KCNH8: variants seen among roughly 807,000 people sequenced by gnomAD.
KCNH8 encodes the protein voltage-gated delayed rectifier potassium channel KCNH8.
KCNH8 carries 70 observed loss-of-function variants against 103.6 expected under a neutral mutation model. The observed-to-expected ratio is 0.68, with a 90% CI of 0.56 to 0.82. The LOEUF (loss-of-function observed/expected upper bound fraction) is 0.82, where lower values mean the gene tolerates loss of function less well. Ranked by LOEUF, KCNH8 falls within the 40% of genes least tolerant of loss-of-function variation. The pLI is 0.00. For missense variants in KCNH8, 1,217 were observed against 1,329.9 expected (o/e 0.92, Z 1.32); for synonymous variants, 498 against 489.4 (o/e 1.02, Z -0.23).
At chr3:19,221,844 CTT>C (rs563088589) in intron 1 of KCNH8, among the ~76,000 whole-genome samples, 6 of 143,524 alleles carry the variant, frequency 4.2e-5, no homozygotes, top group African/African-American at 5.1e-5. Flanking sequence ...ACTAGCATTC[CTT>C]TTTTTTTTTT....
intron 11 of KCNH8, among the ~76,000 whole-genome samples, chr3:19,473,292 T>C (rs1250576405): frequency 1.3e-5 from 2 of 152,222 alleles, no homozygotes; most frequent in Non-Finnish European, 1.5e-5. Context: ...CTATTGCTTG[T>C]CATATCTCAT....
intron 3 of KCNH8, among the ~76,000 whole-genome samples, chr3:19,298,605 C>T (rs1210547941): frequency 2.6e-5 from 4 of 152,108 alleles, no homozygotes; most frequent in Non-Finnish European, 4.4e-5. Context: ...AAAAATTTTA[C>T]AGTATGGCTG....
At chr3:19,352,320 T>A (rs189910544) in intron 5 of KCNH8, among the ~76,000 whole-genome samples, 2 of 151,724 alleles carry the variant, frequency 1.3e-5, no homozygotes, top group Admixed American at 1.3e-4. Context: ...ATTAGACAGA[T>A]CAACAAGACA....
chr3:19,525,354 G>A (rs369285252), intron 15 of KCNH8, among the ~76,000 whole-genome samples: 3 of 151,818 alleles, frequency 2.0e-5, no homozygotes, highest in South Asian at 4.2e-4. Context: ...TCGCATCTGA[G>A]TATATTCTTT....
chr3:19,441,176 G>C (rs779370465), intron 8 of KCNH8, among the ~76,000 whole-genome samples: 2 of 152,126 alleles, frequency 1.3e-5, no homozygotes, highest in Non-Finnish European at 2.9e-5. Flanking sequence ...TCTTGCATCA[G>C]TCAGGGGCAC....
chr3:19,346,515 G>A, intron 4 of KCNH8: 2 of 423,648 alleles, frequency 4.7e-6, no homozygotes, highest in Non-Finnish European at 9.5e-6. Context: ...GTAGAAACAT[G>A]GGTTGAAAAT....
chr3:19,515,398 T>C lies in KCNH8; in HGVS notation c.2512T>C (p.Ser838Pro), dbSNP rs917267322. 2.6e-6 allele frequency: 4 copies of C among 1,561,690 alleles called. No homozygotes were observed. In the African/African-American group the frequency reaches 5.5e-5, roughly 22 times the overall value. ...TGATTTTGGCTCTGAACGAATCAGA[T>C]CAGAGCCCAGAATTTCTCCTCCTCT... ...TFDFGSERIRSEPRISPPLGD... is the reference protein window; with the variant it reads ...TFDFGSERIRPEPRISPPLGD... The change falls in exon 14 of 16, where the codon TCA becomes CCA. Residue 838 changes from serine to proline, a missense_variant. By Grantham distance (74) the Ser-to-Pro change is moderately conservative. This residue lies in a region of KCNH8 where 558 missense variants were observed against 495.8 expected (regional missense o/e 1.13). Coordinates refer to ENST00000328405, the MANE Select transcript of KCNH8 (RefSeq NM_144633.3).
chr3:19,513,413 C>G (rs2125243028), intron 13 of KCNH8, 88 bp downstream of exon 13: 1 of 1,472,186 alleles, frequency 6.8e-7, no homozygotes, highest in East Asian at 2.3e-5. Flanking sequence ...CTGAGCCTTT[C>G]TACTCCACAG....
At chr3:19,228,410 G>A (rs752895647) in intron 1 of KCNH8, among the ~76,000 whole-genome samples, 2 of 152,108 alleles carry the variant, frequency 1.3e-5, no homozygotes, top group Non-Finnish European at 2.9e-5. Context: ...TCACAAGCTC[G>A]TGCCAGGCTT....
At chr3:19,422,515 T>A (rs1559320522) in intron 7 of KCNH8, among the ~76,000 whole-genome samples, 1 of 152,104 alleles carries the variant, frequency 6.6e-6, no homozygotes, top group Non-Finnish European at 1.5e-5. Context: ...ATATTTTAGC[T>A]GAAAAAGCTG....
At chr3:19,471,362 A>G (rs1329038430) in intron 11 of KCNH8, among the ~76,000 whole-genome samples, 1 of 152,168 alleles carries the variant, frequency 6.6e-6, no homozygotes, top group Admixed American at 6.6e-5. Flanking sequence ...GTTACTTGGC[A>G]GGAAGAGGGG....
chr3:19,506,676 T>A (rs999311554), intron 11 of KCNH8, among the ~76,000 whole-genome samples: 2 of 152,146 alleles, frequency 1.3e-5, no homozygotes, highest in Non-Finnish European at 2.9e-5. Context: ...TGTGGCCTCC[T>A]TAGCTTGGAG....
intron 5 of KCNH8, among the ~76,000 whole-genome samples, chr3:19,350,737 A>G (rs1180635163): frequency 1.3e-5 from 2 of 152,162 alleles, no homozygotes; most frequent in Non-Finnish European, 2.9e-5. Context: ...CGTCACCATC[A>G]TCAGAGACCA....
chr3:19,190,187 A>G (rs1483980872), intron 1 of KCNH8, among the ~76,000 whole-genome samples: 4 of 151,976 alleles, frequency 2.6e-5, no homozygotes, highest in African/African-American at 4.8e-5. Context: ...TCAAGAAACT[A>G]TGGAAACTAA....
intron 3 of KCNH8, among the ~76,000 whole-genome samples, chr3:19,337,136 T>C (rs2065595379): frequency 1.3e-5 from 2 of 152,108 alleles, no homozygotes; most frequent in Admixed American, 1.3e-4. Context: ...AGCAAGTTCA[T>C]TGAGAATTCA....
At chr3:19,290,704 T>C (rs185835959) in intron 3 of KCNH8, among the ~76,000 whole-genome samples, 2 of 152,342 alleles carry the variant, frequency 1.3e-5, no homozygotes, top group Non-Finnish European at 2.9e-5. Flanking sequence ...TGGTCTAAAA[T>C]TCTCTTTTTT....
chr3:19,253,844 G>T lies in KCNH8; in HGVS notation c.267G>T (p.Glu89Asp). ...LMLQIEKSLEEKTEFKGEIMF... is the reference protein window; with the variant it reads ...LMLQIEKSLEDKTEFKGEIMF... Reference sequence around the variant, plus strand: ...TTCAAATAGAAAAGTCACTGGAGGAGAAAACAGAATTCAAAGGAGAAATTA... The same window carrying T: ...TTCAAATAGAAAAGTCACTGGAGGATAAAACAGAATTCAAAGGAGAAATTA... Residue 89 changes from glutamate (E) to aspartate (D), a missense_variant, in exon 2 of 16, where the codon GAG becomes GAT. By Grantham distance (45) the Glu-to-Asp change is conservative. Transcript: ENST00000328405. The T allele has an allele frequency of 1.2e-6, 2 of 1,613,788 alleles. No homozygotes were observed. Among genetic ancestry groups the T allele is most frequent in the Non-Finnish European group, 1.7e-6 (2 of 1,179,812 alleles).
At chr3:19,397,312 T>C (rs1200002728) in intron 7 of KCNH8, among the ~76,000 whole-genome samples, 1 of 151,790 alleles carries the variant, frequency 6.6e-6, no homozygotes. Flanking sequence ...AGACCTCTCC[T>C]GTCATCATGG....
At chr3:19,517,912 A>T (rs1466994239) in intron 14 of KCNH8, 86 bp from the exon 15 acceptor site, 2 of 1,044,942 alleles carry the variant, frequency 1.9e-6, no homozygotes, top group African/African-American at 3.2e-5. Context: ...GATAGCGTGG[A>T]CTTTCTTTCA....
Sources: gnomAD v4.1 joint callset for allele counts (sites outside exome capture counted in the v4.1 genomes callset) on GRCh38, gnomAD v4.1.1 for gene constraint, gnomAD v4.1.1 regional missense constraint, MANE v1.5 for transcripts, NCBI Gene and HGNC (gene_info 2026-07-23, HGNC 2026-07-21) for gene names.